The following DNAI4 variants were observed in gnomAD, a reference collection of about 807,000 sequenced individuals.
DNAI4 encodes dynein axonemal intermediate chain 4.
DNAI4 carries 85 observed loss-of-function variants against 105.8 expected under a neutral mutation model. That is an observed-to-expected ratio of 0.80 (90% confidence interval 0.67 to 0.96). DNAI4 has a LOEUF of 0.96. Ranked by LOEUF, DNAI4 falls within the 40% of genes least tolerant of loss-of-function variation. The pLI, the probability that DNAI4 is intolerant of heterozygous loss-of-function variation, is 0.00. For synonymous variants in DNAI4, 352 were observed against 331.5 expected (o/e 1.06, Z -0.67); for missense variants, 1,014 against 1,005.6 (o/e 1.01, Z -0.11).
rs755412295 is a variant in DNAI4, at chr1:66,883,180, C to CTT, written c.643+7972_643+7973dup. ...TATTGGTGCCAGGAAGTTTTCTTTT[C>CTT]TTTTTTTTTTTTTTTTTTTTTGTAG... On this transcript the variant is annotated intron_variant, in intron 4 of 16. Coordinates refer to ENST00000371026, the MANE Select transcript of DNAI4 (RefSeq NM_024763.5). 4.0e-3 allele frequency among the ~76,000 whole-genome samples: 369 copies of CTT among 93,008 alleles called. 1 individual carries two copies. The highest frequency in any genetic ancestry group is 0.013 in the African/African-American group (315 of 23,658). 61.0% of individuals were successfully genotyped at this position (93,008 alleles called of 152,430 possible). A position where few individuals can be genotyped will look rare whatever the true frequency, so the allele number is the denominator to read the frequency against.
At chr1:66,834,315 GAC>G (rs1280255431) in intron 11 of DNAI4, among the ~76,000 whole-genome samples, 167 bp from the exon 12 acceptor site, 1 of 151,838 alleles carries the variant, frequency 6.6e-6, no homozygotes. Context: ...AAAAAGAAAA[GAC>G]AACCACTTTT....
chr1:66,820,129 A>G (rs1423182017), intron 16 of DNAI4, among the ~76,000 whole-genome samples: 1 of 152,186 alleles, frequency 6.6e-6, no homozygotes, highest in Non-Finnish European at 1.5e-5. Context: ...CTGTTAAAAT[A>G]TCTGATACTC....
At chr1:66,924,641 G>GT in intron 1 of DNAI4, 21 bp downstream of exon 1, 1 of 1,614,250 alleles carries the variant, frequency 6.2e-7, no homozygotes, top group Non-Finnish European at 8.5e-7. Context: ...ATGGACTACG[G>GT]TTTTTAGCGC....
intron 8 of DNAI4, among the ~76,000 whole-genome samples, chr1:66,844,121 C>T (rs540733279): frequency 6.9e-6 from 1 of 144,114 alleles, no homozygotes; most frequent in Non-Finnish European, 1.5e-5. Flanking sequence ...TAAACCTTAC[C>T]TTAGTCCATT....
rs190956447 is a variant in DNAI4, at chr1:66,820,291, A to G, written c.2496+2070T>C. ...ATATGGAAAACAGGTAAGTAAAAAG[A>G]AAAACTAAAATTTATCCATGACTCC... On this transcript the variant is annotated intron_variant, in intron 16 of 16. Transcript: ENST00000371026. Among the ~76,000 whole-genome samples, 494 of 152,308 alleles carry G rather than the reference A, an allele frequency of 3.2e-3. 7 individuals are homozygous for G. Among genetic ancestry groups the G allele is most frequent in the South Asian group, 0.028 (133 of 4,826 alleles).
intron 5 of DNAI4, 138 bp from the exon 6 acceptor site, chr1:66,871,647 G>A: frequency 2.4e-6 from 2 of 846,786 alleles, no homozygotes; most frequent in Middle Eastern, 3.7e-4. Flanking sequence ...TTCAAAAAAA[G>A]CCTTAGGAAA....
At chr1:66,825,166 C>CTTTTTTT (rs759572433) in intron 15 of DNAI4, among the ~76,000 whole-genome samples, 3 of 95,908 alleles carry the variant, frequency 3.1e-5, no homozygotes, top group Non-Finnish European at 4.0e-5. Context: ...TAATAACTGT[C>CTTTTTTT]TTTTTTTTTT....
At chr1:66,826,739 C>T in intron 15 of DNAI4, 81 bp downstream of exon 15, 1 of 1,250,300 alleles carries the variant, frequency 8.0e-7, no homozygotes, top group South Asian at 1.4e-5. Flanking sequence ...ACAATACCCT[C>T]TAACTGGTGT....
chr1:66,832,354 G>A (rs1394144737), intron 13 of DNAI4, among the ~76,000 whole-genome samples: 1 of 152,166 alleles, frequency 6.6e-6, no homozygotes, highest in African/African-American at 2.4e-5. Context: ...GTTTTGGTTT[G>A]CATAATGAGG....
At chr1:66,862,076 T>G in intron 7 of DNAI4, 71 bp downstream of exon 7, 1 of 1,425,560 alleles carries the variant, frequency 7.0e-7, no homozygotes, top group East Asian at 2.4e-5. Context: ...CATTGTTAAC[T>G]GCCAAAAAAG....
chr1:66,900,829 T>A (rs765433280), intron 2 of DNAI4, among the ~76,000 whole-genome samples: 1 of 152,222 alleles, frequency 6.6e-6, no homozygotes, highest in Non-Finnish European at 1.5e-5. Flanking sequence ...TAACATCATG[T>A]CATCTGCAAA....
intron 1 of DNAI4, among the ~76,000 whole-genome samples, chr1:66,915,415 TCA>T (rs1323700931): frequency 6.6e-6 from 1 of 152,226 alleles, no homozygotes; most frequent in Non-Finnish European, 1.5e-5. Context: ...TTTCACTGTC[TCA>T]GTTATAATTT....
intron 2 of DNAI4, among the ~76,000 whole-genome samples, chr1:66,902,888 T>C (rs1648938353): frequency 6.6e-6 from 1 of 152,264 alleles, no homozygotes. Flanking sequence ...TTCCATTCCA[T>C]TGGTCTATAC....
intron 16 of DNAI4, among the ~76,000 whole-genome samples, chr1:66,820,646 A>C (rs1198033847): frequency 1.3e-5 from 2 of 152,156 alleles, no homozygotes; most frequent in African/African-American, 4.8e-5. Context: ...AAGTCATGAA[A>C]GAGTATTGAA....
intron 7 of DNAI4, among the ~76,000 whole-genome samples, chr1:66,859,376 G>T (rs1405984436): frequency 6.6e-6 from 1 of 152,094 alleles, no homozygotes; most frequent in Admixed American, 6.5e-5. Flanking sequence ...CAACCACTTT[G>T]GAAGACAGTT....
At chr1:66,868,750 G>A (rs1354752338) in intron 6 of DNAI4, among the ~76,000 whole-genome samples, 3 of 151,978 alleles carry the variant, frequency 2.0e-5, no homozygotes, top group African/African-American at 4.8e-5. Context: ...CCAATGCCCT[G>A]TAATAAATCG....
At chr1:66,833,509 C>T in intron 13 of DNAI4, 76 bp downstream of exon 13, 1 of 1,518,998 alleles carries the variant, frequency 6.6e-7, no homozygotes. Context: ...AATATTTGGT[C>T]TTGTTTTATG....
At chr1:66,824,929 G>T (rs1400265511) in intron 15 of DNAI4, among the ~76,000 whole-genome samples, 1 of 152,178 alleles carries the variant, frequency 6.6e-6, no homozygotes, top group African/African-American at 2.4e-5. Context: ...CCTGCAGAAT[G>T]CCTTTCTACT....
rs1647522519 is a variant in DNAI4, at chr1:66,890,650, G to C, written c.643+504C>G. ...AAGAAGAAGAGGAAGAAGAAGAAGA[G>C]GAAGAGGAGAAGGAAGCAGAGGAGG... On this transcript the variant is annotated intron_variant, in intron 4 of 16. Coordinates refer to ENST00000371026, the MANE Select transcript of DNAI4 (RefSeq NM_024763.5). The surrounding 1 kb of genome is among the most constrained non-coding windows in gnomAD (Gnocchi z 4.1). 5.1e-6 allele frequency: 1 copy of C among 194,232 alleles called. No homozygotes were observed. The highest frequency in any genetic ancestry group is 2.5e-5 in the African/African-American group (1 of 40,188). The allele number at this position is 194,232 out of a possible 1,614,324, so 12.0% of individuals were successfully genotyped here.
Sources: allele counts gnomAD v4.1 joint callset (sites outside exome capture counted in the v4.1 genomes callset), GRCh38; gene constraint gnomAD v4.1.1; non-coding constraint Gnocchi (gnomAD v3.1); transcripts MANE v1.5; gene names NCBI Gene and HGNC (gene_info 2026-07-23, HGNC 2026-07-21).